Variants in DIAPH2 observed in about 807,000 individuals in gnomAD.
DIAPH2 encodes protein diaphanous homolog 2.
DIAPH2 carries 35 observed loss-of-function variants against 92.7 expected under a neutral mutation model. That is an observed-to-expected ratio of 0.38 (90% CI 0.29 to 0.50). The LOEUF is 0.50. Among genes scored for constraint, DIAPH2 ranks in the 20% least tolerant of loss-of-function variants. The pLI is 0.94. For missense variants in DIAPH2, 701 were observed against 819.5 expected, an observed-to-expected ratio of 0.86 and a Z score of 1.77; for synonymous variants, 301 against 280.4, an observed-to-expected ratio of 1.07 and a Z score of -0.73.
chrX:96,901,474 T>C lies in DIAPH2; in HGVS notation c.588-10854T>C, dbSNP rs1307702110. ...TGAATTTCATTTAGTTCTGCTCTGA[T>C]CTTTGCTATTTCTTTTCTTCTTCTA... On this transcript the variant is annotated intron_variant, in intron 5 of 26. Transcript: ENST00000324765. 4.7e-5 allele frequency among the ~76,000 whole-genome samples: 5 copies of C among 107,511 alleles called. No individual in the cohort carries two copies. The East Asian group carries it at 1.4e-3, about 31-fold the overall frequency. The allele number at this position is 107,511 out of a possible 115,157, so 93.4% of individuals were successfully genotyped here. A position where few individuals can be genotyped will look rare whatever the true frequency, so the allele number is the denominator to read the frequency against.
At chrX:96,932,626 TA>T (rs2065626709) in intron 10 of DIAPH2, among the ~76,000 whole-genome samples, 1 of 110,933 alleles carries the variant, frequency 9.0e-6, no homozygotes, top group African/African-American at 3.3e-5. Flanking sequence ...TATTCTTTTT[TA>T]AAATTAAAAA....
At chrX:96,803,419 C>T (rs1026181280) in intron 4 of DIAPH2, among the ~76,000 whole-genome samples, 1 of 111,242 alleles carries the variant, frequency 9.0e-6, no homozygotes, top group Non-Finnish European at 1.9e-5. Context: ...ATATGTTAGC[C>T]CCTAATTTAA....
rs187046916 is a variant in DIAPH2, at chrX:97,264,999, A to C, written c.2844+17160A>C. On this transcript the variant is annotated intron_variant, in intron 23 of 26. Transcript: ENST00000324765. ...CTGTCTCAAAAAAAAACAACAACAA[A>C]AAAAAGACTTTATTCTCTGTTGTCA... Among the ~76,000 whole-genome samples, 1,028 of 111,382 alleles carry C rather than the reference A, an allele frequency of 9.2e-3. 20 individuals are homozygous for C. Among genetic ancestry groups the C allele is most frequent in the African/African-American group, 0.032 (983 of 30,674 alleles).
intron 9 of DIAPH2, among the ~76,000 whole-genome samples, chrX:96,923,454 A>G (rs952323926): frequency 5.3e-5 from 6 of 112,380 alleles, no homozygotes; most frequent in Non-Finnish European, 1.1e-4. Context: ...AAAATTAAAT[A>G]AAACAATCTG....
At chrX:97,152,267 A>G (rs1411829394) in intron 22 of DIAPH2, among the ~76,000 whole-genome samples, 1 of 111,968 alleles carries the variant, frequency 8.9e-6, no homozygotes, top group Non-Finnish European at 1.9e-5. Context: ...CATGGGCAGT[A>G]CCATTGCTGT....
intron 23 of DIAPH2, among the ~76,000 whole-genome samples, chrX:97,265,902 A>G (rs897616608): frequency 2.7e-5 from 3 of 112,024 alleles, no homozygotes; most frequent in African/African-American, 9.7e-5. Flanking sequence ...GTGTTTAGGA[A>G]TAACCCATGC....
At chrX:97,302,148 G>C (rs2068711726) in intron 23 of DIAPH2, among the ~76,000 whole-genome samples, 1 of 101,082 alleles carries the variant, frequency 9.9e-6, no homozygotes, top group Non-Finnish European at 2.0e-5. Flanking sequence ...GGGAGGCAGA[G>C]GTTGCAGTGA....
intron 4 of DIAPH2, among the ~76,000 whole-genome samples, chrX:96,809,691 C>CA (rs1306559595): frequency 9.0e-6 from 1 of 110,863 alleles, no homozygotes; most frequent in Non-Finnish European, 1.9e-5. Flanking sequence ...TGACAGGCCC[C>CA]AGTGTGTGAT....
intron 21 of DIAPH2, among the ~76,000 whole-genome samples, chrX:97,135,444 G>A (rs1200499457): frequency 9.0e-6 from 1 of 111,076 alleles, no homozygotes; most frequent in Non-Finnish European, 1.9e-5. Flanking sequence ...CTGACCTCAG[G>A]TGATCCGCCC....
At chrX:97,130,158 G>A (rs2067128558) in intron 21 of DIAPH2, among the ~76,000 whole-genome samples, 1 of 112,219 alleles carries the variant, frequency 8.9e-6, no homozygotes, top group Admixed American at 9.5e-5. Flanking sequence ...CATTGCTGGT[G>A]GGAATGTAAA....
intron 22 of DIAPH2, among the ~76,000 whole-genome samples, chrX:97,166,936 A>G (rs1214662532): frequency 3.6e-5 from 4 of 112,443 alleles, no homozygotes; most frequent in Non-Finnish European, 3.7e-5. Flanking sequence ...GAATCTTTAC[A>G]TAAACAGAAT....
intron 5 of DIAPH2, among the ~76,000 whole-genome samples, chrX:96,882,985 AAAAAAAC>A (rs1403803261): frequency 6.0e-5 from 3 of 50,317 alleles, no homozygotes; most frequent in African/African-American, 8.4e-5. Context: ...AAAAAAAAAC[AAAAAAAC>A]AAAAATCCGG....
chrX:97,356,079 G>A (rs1019527302), intron 24 of DIAPH2, among the ~76,000 whole-genome samples: 7 of 111,681 alleles, frequency 6.3e-5, no homozygotes, highest in Non-Finnish European at 1.3e-4. Flanking sequence ...CATCAATCTT[G>A]AAGTACCATT....
intron 4 of DIAPH2, among the ~76,000 whole-genome samples, chrX:96,825,123 T>TA (rs2064805514): frequency 9.5e-6 from 1 of 105,436 alleles, no homozygotes; most frequent in African/African-American, 3.4e-5. Flanking sequence ...TTTTTGTATT[T>TA]TTTTTTTTTT....
intron 1 of DIAPH2, among the ~76,000 whole-genome samples, chrX:96,734,963 A>T (rs1439519432): frequency 9.0e-6 from 1 of 111,167 alleles, no homozygotes; most frequent in Non-Finnish European, 1.9e-5. Flanking sequence ...ACAGACAATT[A>T]AAAAAAATCT....
In DIAPH2 at chrX:96,836,710, TATATATA is replaced by T. The variant is rs200899734; in HGVS notation, c.448-44868_448-44862del. ...GTATATATATATATATATATATATA[TATATATA>T]TTTTTTTTTTTTTTTTTTTTTTTTT... On this transcript the variant is annotated intron_variant, in intron 4 of 26. Coordinates refer to ENST00000324765, the MANE Select transcript of DIAPH2 (RefSeq NM_006729.5). Among the ~76,000 whole-genome samples, 42 of 25,461 alleles carry T rather than the reference TATATATA, an allele frequency of 1.6e-3. 1 individual carries two copies. Among genetic ancestry groups the T allele is most frequent in the East Asian group, 2.8e-3 (2 of 711 alleles). The allele number at this position is 25,461 out of a possible 115,157, so 22.1% of individuals were successfully genotyped here. A position where few individuals can be genotyped will look rare whatever the true frequency, so the allele number is the denominator to read the frequency against.
At chrX:97,210,466 T>C (rs1410723255) in intron 22 of DIAPH2, among the ~76,000 whole-genome samples, 1 of 111,846 alleles carries the variant, frequency 8.9e-6, no homozygotes, top group Non-Finnish European at 1.9e-5. Flanking sequence ...GCTAGAAATG[T>C]CTCCATTTAA....
At chrX:96,890,774 C>G (rs1029320938) in intron 5 of DIAPH2, among the ~76,000 whole-genome samples, 1 of 112,132 alleles carries the variant, frequency 8.9e-6, no homozygotes, top group South Asian at 3.7e-4. Context: ...GATAAAGGCT[C>G]TAAGAAAGTC....
At chrX:97,014,999 A>G (rs2066251031) in intron 17 of DIAPH2, among the ~76,000 whole-genome samples, 2 of 111,884 alleles carry the variant, frequency 1.8e-5, no homozygotes, top group Non-Finnish European at 3.8e-5. Context: ...TTTTAGACCT[A>G]ATTTTATTTT....
Sources: allele counts gnomAD v4.1 joint callset (sites outside exome capture counted in the v4.1 genomes callset), GRCh38; gene constraint gnomAD v4.1.1; transcripts MANE v1.5; gene names NCBI Gene and HGNC (gene_info 2026-07-23, HGNC 2026-07-21).